The following SAMMSON variants were observed in gnomAD, a reference collection of about 807,000 sequenced individuals.
SAMMSON encodes the protein long intergenic non-protein coding RNA 1212.
chr3:70,224,943 A>T (rs990654630), intron 4 of SAMMSON, among the ~76,000 whole-genome samples: 1 of 152,124 alleles, frequency 6.6e-6, no homozygotes, highest in Non-Finnish European at 1.5e-5. Context: ...CAGATTCATT[A>T]GTTTTGACTA....
chr3:70,379,244 C>T (rs1172267780), intron 9 of SAMMSON, among the ~76,000 whole-genome samples: 1 of 152,100 alleles, frequency 6.6e-6, no homozygotes, highest in Admixed American at 6.6e-5. Context: ...AAGCGCCTGA[C>T]CTCGTGATCC....
At chr3:70,205,969 T>C (rs1229296863) in intron 4 of SAMMSON, 2 of 152,006 alleles carry the variant, frequency 1.3e-5, no homozygotes, top group Admixed American at 6.6e-5. Context: ...GATTGTTTAT[T>C]TAGCACCAAA....
At chr3:70,194,107 C>T (rs573979343) in intron 4 of SAMMSON, among the ~76,000 whole-genome samples, 4 of 152,204 alleles carry the variant, frequency 2.6e-5, no homozygotes, top group East Asian at 1.9e-4. Flanking sequence ...TTTACAGAAG[C>T]AATGGTTTTA....
At chr3:70,056,784 T>C (rs148080267) in intron 3 of SAMMSON, among the ~76,000 whole-genome samples, 241 of 152,196 alleles carry the variant, frequency 1.6e-3, no homozygotes, top group African/African-American at 5.4e-3. Flanking sequence ...CTAATCCAGA[T>C]ACTCTTTCCA....
rs200153359 is a variant in SAMMSON, at chr3:70,218,756, G to GA, written n.508-30342dup. Among the ~76,000 whole-genome samples, 658 of 151,638 alleles carry GA rather than the reference G, an allele frequency of 4.3e-3. 5 individuals are homozygous for GA. Among genetic ancestry groups the GA allele is most frequent in the African/African-American group, 0.015 (603 of 41,386 alleles). On this transcript the variant is annotated intron_variant and non_coding_transcript_variant, in intron 4 of 9. Coordinates refer to ENST00000642114, the Ensembl canonical transcript of SAMMSON. Reference sequence around the variant, plus strand: ...AGGATTTGAGCTATAACAATAAATAGAAAAAAAAATTCTTCAGCATTTTTG... The same window carrying GA: ...AGGATTTGAGCTATAACAATAAATAGAAAAAAAAAATTCTTCAGCATTTTTG...
intron 4 of SAMMSON, among the ~76,000 whole-genome samples, chr3:70,144,970 T>G (rs2067542019): frequency 6.6e-6 from 1 of 152,132 alleles, no homozygotes; most frequent in Non-Finnish European, 1.5e-5. Flanking sequence ...TCTGCTTAAA[T>G]GTCTCTTTTT....
chr3:70,283,475 C>G (rs1486312329), intron 6 of SAMMSON: 1 of 151,946 alleles, frequency 6.6e-6, no homozygotes, highest in African/African-American at 2.4e-5. Context: ...GATTTGAATC[C>G]CACATACAGC....
At chr3:70,116,708 C>A (rs2067413193) in intron 4 of SAMMSON, among the ~76,000 whole-genome samples, 2 of 152,010 alleles carry the variant, frequency 1.3e-5, no homozygotes, top group Admixed American at 1.3e-4. Flanking sequence ...GTAGAAACAG[C>A]ATCATGAATG....
chr3:70,335,101 G>T (rs1222564060), intron 7 of SAMMSON, among the ~76,000 whole-genome samples: 1 of 150,890 alleles, frequency 6.6e-6, no homozygotes, highest in Non-Finnish European at 1.5e-5. Flanking sequence ...CTTATATGTA[G>T]AATGGGTATA....
chr3:70,016,406 A>G (rs1195305190), intron 3 of SAMMSON, among the ~76,000 whole-genome samples: 2 of 151,870 alleles, frequency 1.3e-5, no homozygotes, highest in East Asian at 1.9e-4. Context: ...ATCTCTTCAC[A>G]TCTTTCACTC....
At chr3:70,144,243 C>T (rs898388452) in intron 4 of SAMMSON, among the ~76,000 whole-genome samples, 2 of 152,024 alleles carry the variant, frequency 1.3e-5, no homozygotes, top group South Asian at 4.1e-4. Context: ...AGCAAATTGG[C>T]AAATTGGCCT....
chr3:70,039,028 C>G (rs2067096611), intron 3 of SAMMSON, among the ~76,000 whole-genome samples: 1 of 151,980 alleles, frequency 6.6e-6, no homozygotes. Context: ...TTTTGAGCAA[C>G]AGGTCATTAT....
chr3:70,133,710 T>C (rs1259060328), intron 4 of SAMMSON, among the ~76,000 whole-genome samples: 2 of 152,078 alleles, frequency 1.3e-5, no homozygotes, highest in Non-Finnish European at 2.9e-5. Flanking sequence ...TAGGGCACAG[T>C]TGAGTTAAAT....
At chr3:70,293,426 C>T (rs765324532) in intron 7 of SAMMSON, among the ~76,000 whole-genome samples, 3 of 152,086 alleles carry the variant, frequency 2.0e-5, no homozygotes, top group Non-Finnish European at 4.4e-5. Flanking sequence ...TCAGCAACAA[C>T]AGAAATTAAA....
At chr3:70,237,386 A>G (rs1007890964) in intron 4 of SAMMSON, among the ~76,000 whole-genome samples, 3 of 152,320 alleles carry the variant, frequency 2.0e-5, no homozygotes, top group African/African-American at 7.2e-5. Context: ...TAACCAAATA[A>G]AAAAGCCCAT....
chr3:70,231,166 C>T (rs191027918), intron 4 of SAMMSON, among the ~76,000 whole-genome samples: 14 of 152,308 alleles, frequency 9.2e-5, no homozygotes, highest in Admixed American at 6.5e-4. Context: ...TATTGCCTGA[C>T]AGGCTCCAGT....
At chr3:70,193,629 ATCT>A (rs1318341505) in intron 4 of SAMMSON, among the ~76,000 whole-genome samples, 2 of 152,134 alleles carry the variant, frequency 1.3e-5, no homozygotes, top group South Asian at 2.1e-4. Flanking sequence ...TTTTACTCAG[ATCT>A]TCTTCAAAAA....
intron 4 of SAMMSON, among the ~76,000 whole-genome samples, chr3:70,237,970 G>A (rs1367038856): frequency 8.2e-5 from 5 of 60,926 alleles, no homozygotes; most frequent in African/African-American, 1.0e-4. Flanking sequence ...GAAACTAATT[G>A]AGTGGTATCT....
At chr3:70,130,845 A>G (rs752252072) in intron 4 of SAMMSON, among the ~76,000 whole-genome samples, 3 of 152,146 alleles carry the variant, frequency 2.0e-5, no homozygotes, top group Non-Finnish European at 2.9e-5. Context: ...CCTCCATCTC[A>G]GGCCTCAGGT....
Sources: gnomAD v4.1 joint callset for allele counts (sites outside exome capture counted in the v4.1 genomes callset) on GRCh38, gnomAD v4.1.1 for gene constraint, MANE v1.5 for transcripts, NCBI Gene and HGNC (gene_info 2026-07-23, HGNC 2026-07-21) for gene names.